ZFHX3: variants seen among roughly 807,000 people sequenced by gnomAD.
The protein encoded by ZFHX3 is zinc finger homeobox 3.
A neutral mutation model predicts 279.1 loss-of-function variants in ZFHX3; 42 were observed. The ratio of observed to expected loss-of-function variants is 0.15; its 90% CI spans 0.12 to 0.19. The LOEUF (loss-of-function observed/expected upper bound fraction) is 0.19. Ranked by LOEUF, ZFHX3 falls within the 10% of genes least tolerant of loss-of-function variation. The pLI is 1.00. For missense variants in ZFHX3, 4,981 were observed against 4,754.0 expected (o/e 1.05, Z -1.40); for synonymous variants, 2,293 against 1,957.8 (o/e 1.17, Z -4.52).
chr16:73,756,557 G>A (rs1049292093), intron 1 of ZFHX3, among the ~76,000 whole-genome samples: 1 of 150,272 alleles, frequency 6.7e-6, no homozygotes, highest in African/African-American at 2.4e-5. Flanking sequence ...GCCCTTCACT[G>A]GGGAGGGAGA....
At chr16:73,500,242 G>T (rs1413410769) in intron 2 of ZFHX3, 1 of 152,284 alleles carries the variant, frequency 6.6e-6, no homozygotes, top group Non-Finnish European at 1.5e-5. Context: ...GTGAAAGACA[G>T]TGATATCGAT....
chr16:73,203,005 G>A (rs1315645668), intron 5 of ZFHX3, among the ~76,000 whole-genome samples: 4 of 140,912 alleles, frequency 2.8e-5, no homozygotes, highest in Admixed American at 2.3e-4. Flanking sequence ...TCCCAGCCTA[G>A]TCTTCTAAAT....
At chr16:73,420,491 C>A (rs1312658015) in intron 3 of ZFHX3, among the ~76,000 whole-genome samples, 1 of 152,206 alleles carries the variant, frequency 6.6e-6, no homozygotes, top group Admixed American at 6.5e-5. Flanking sequence ...GCCAGGGATT[C>A]TGCTAAGCAT....
At chr16:72,834,584 C>T (rs949005502) in intron 4 of ZFHX3, among the ~76,000 whole-genome samples, 4 of 152,150 alleles carry the variant, frequency 2.6e-5, no homozygotes, top group South Asian at 2.1e-4. Flanking sequence ...ATTCCCCCAT[C>T]GGTGGTGAAA....
At chr16:73,739,348 C>T (rs1293105297) in intron 1 of ZFHX3, among the ~76,000 whole-genome samples, 3 of 152,194 alleles carry the variant, frequency 2.0e-5, no homozygotes, top group Non-Finnish European at 2.9e-5. Context: ...GCATTTTGAG[C>T]TGGTTATTCT....
intron 2 of ZFHX3, among the ~76,000 whole-genome samples, chr16:73,520,629 C>T (rs1270290125): frequency 6.6e-6 from 1 of 152,182 alleles, no homozygotes; most frequent in Non-Finnish European, 1.5e-5. Flanking sequence ...ATTCTTTGTA[C>T]AAACATCTGG....
chr16:72,787,439 AGGCGTG>A lies in ZFHX3; in HGVS notation c.10831_10836del (p.His3611_Ala3612del). The A allele has an allele frequency of 8.7e-7, 1 of 1,152,722 alleles. No homozygotes were observed. Among genetic ancestry groups the A allele is most frequent in the East Asian group, 5.0e-5 (1 of 19,984 alleles). 71.4% of individuals were successfully genotyped at this position (1,152,722 alleles called of 1,614,324 possible). A position where few individuals can be genotyped will look rare whatever the true frequency, so the allele number is the denominator to read the frequency against. ...ACCACTTGCGGCCAAGACTTCCTGG[AGGCGTG>A]GGGGGAAGCGGAGGAGGGGGCGGCG... On this transcript the variant is annotated inframe_deletion, in exon 10 of 10. Coordinates refer to ENST00000268489, the MANE Select transcript of ZFHX3 (RefSeq NM_006885.4).
intron 2 of ZFHX3, among the ~76,000 whole-genome samples, chr16:73,607,078 G>C (rs750886670): frequency 3.9e-5 from 6 of 152,164 alleles, no homozygotes; most frequent in Non-Finnish European, 8.8e-5. Flanking sequence ...GCCCAGGCTG[G>C]AGTGCAATGG....
intron 8 of ZFHX3, among the ~76,000 whole-genome samples, chr16:73,068,399 C>A (rs28631000): frequency 1.9e-3 from 282 of 152,234 alleles, no homozygotes; most frequent in African/African-American, 6.6e-3. Context: ...GGATTCAGGG[C>A]TAGATTCAAG....
intron 4 of ZFHX3, among the ~76,000 whole-genome samples, chr16:73,296,859 T>C (rs1039229595): frequency 6.9e-6 from 1 of 145,764 alleles, no homozygotes; most frequent in African/African-American, 2.6e-5. Flanking sequence ...TACTTTATAA[T>C]TGCCATGTGA....
At chr16:73,546,697 GCTGCTGC>G (rs2020116792) in intron 2 of ZFHX3, among the ~76,000 whole-genome samples, 1 of 92,128 alleles carries the variant, frequency 1.1e-5, no homozygotes, top group Admixed American at 1.1e-4. Context: ...TGCTGCTGCT[GCTGCTGC>G]TGCTGCTGCT....
chr16:73,745,060 G>A (rs2053691378), intron 1 of ZFHX3, among the ~76,000 whole-genome samples: 2 of 152,162 alleles, frequency 1.3e-5, no homozygotes, highest in South Asian at 4.1e-4. Context: ...TCTCAGAAAT[G>A]AGTGATACAG....
chr16:73,375,506 A>G (rs2016707314), intron 3 of ZFHX3, among the ~76,000 whole-genome samples: 1 of 152,192 alleles, frequency 6.6e-6, no homozygotes, highest in Non-Finnish European at 1.5e-5. Context: ...CAGTGAACAC[A>G]GCAAAAATTG....
rs76798971 is a variant in ZFHX3, at chr16:72,886,493, G to C, written c.3448+3238C>G. 9.1e-3 allele frequency among the ~76,000 whole-genome samples: 1,391 copies of C among 152,294 alleles called. 22 individuals are homozygous for C. Among genetic ancestry groups the C allele is most frequent in the East Asian group, 0.056 (290 of 5,188 alleles). ...TACATTCCAAAACAGGGAACTGTTT[G>C]TTCCAGGTCACCGACTCTGGGTGAA... On this transcript the variant is annotated intron_variant, in intron 4 of 9. Coordinates refer to ENST00000268489, the MANE Select transcript of ZFHX3 (RefSeq NM_006885.4).
chr16:72,972,845 T>G (rs1962166807), intron 1 of ZFHX3, among the ~76,000 whole-genome samples: 1 of 152,126 alleles, frequency 6.6e-6, no homozygotes, highest in Non-Finnish European at 1.5e-5. Flanking sequence ...GCCTGTCCTC[T>G]CCCCATTCCT....
chr16:72,868,183 C>A (rs925052631), intron 4 of ZFHX3, among the ~76,000 whole-genome samples: 2 of 152,206 alleles, frequency 1.3e-5, no homozygotes, highest in African/African-American at 4.8e-5. Context: ...GTCAGTGGTA[C>A]AGATTCACTG....
chr16:73,673,257 G>A (rs946719621), intron 2 of ZFHX3, among the ~76,000 whole-genome samples: 5 of 152,140 alleles, frequency 3.3e-5, no homozygotes, highest in Non-Finnish European at 4.4e-5. Flanking sequence ...AGAGGCCACT[G>A]TCCCGCTAAT....
At chr16:73,705,833 T>A (rs998464526) in intron 1 of ZFHX3, among the ~76,000 whole-genome samples, 1 of 152,202 alleles carries the variant, frequency 6.6e-6, no homozygotes, top group Admixed American at 6.5e-5. Context: ...CATGGACCCA[T>A]ATCCAATTTA....
At chr16:73,714,203 C>T (rs551643644) in intron 1 of ZFHX3, among the ~76,000 whole-genome samples, 23 of 152,232 alleles carry the variant, frequency 1.5e-4, no homozygotes, top group African/African-American at 4.1e-4. Flanking sequence ...AATTTTCATA[C>T]GCTATTCAGA....
Sources: gnomAD v4.1 joint callset for allele counts (sites outside exome capture counted in the v4.1 genomes callset) on GRCh38, gnomAD v4.1.1 for gene constraint, MANE v1.5 for transcripts, NCBI Gene and HGNC (gene_info 2026-07-23, HGNC 2026-07-21) for gene names.